The following STK38 variants were observed in gnomAD, a reference collection of about 807,000 sequenced individuals.
The protein encoded by STK38 is serine/threonine-protein kinase 38.
In STK38, 26 loss-of-function variants were observed where a neutral mutation model predicts 59.0. That is an observed-to-expected ratio of 0.44 (90% CI 0.32 to 0.61). The LOEUF is 0.61. STK38 is among the 20% of genes least tolerant of loss of function. The probability of loss-of-function intolerance (pLI) is 0.04; values close to 1 mark genes in which losing one functional copy is unlikely to be tolerated. For synonymous variants in STK38, 175 were observed against 176.6 expected (o/e 0.99, Z 0.07); for missense variants, 433 against 566.0 (o/e 0.76, Z 2.38).
intron 9 of STK38, among the ~76,000 whole-genome samples, chr6:36,500,990 C>T (rs1340395642): frequency 2.6e-5 from 4 of 151,150 alleles, no homozygotes; most frequent in Non-Finnish European, 2.9e-5. Flanking sequence ...GGGGGTCTCC[C>T]TTTGTGGGCC....
intron 2 of STK38, among the ~76,000 whole-genome samples, chr6:36,531,852 C>T (rs3798470): frequency 0.24 from 36,216 of 152,018 alleles, 4,551 homozygotes; most frequent in East Asian, 0.39. Flanking sequence ...GCTTTGGACA[C>T]GTATGGCCTT....
At chr6:36,506,713 T>G (rs1165782535) in intron 8 of STK38, 69 bp from the exon 9 acceptor site, 5 of 1,407,738 alleles carry the variant, frequency 3.6e-6, no homozygotes, top group Non-Finnish European at 4.9e-6. Flanking sequence ...TTTAGTAGGC[T>G]CTTTCAAGTC....
rs1561968643 is a variant in STK38 at position 36,495,149 on chromosome 6, G to A, written c.*635C>T. On this transcript the variant is annotated 3_prime_UTR_variant, in exon 14 of 14. Coordinates refer to ENST00000229812, the MANE Select transcript of STK38 (RefSeq NM_007271.4). ...GGGTATTTTAGATGGGGGACAGGAG[G>A]AGATAAATCAATGGATTGACAGTCT... 1 of 152,638 alleles carries A rather than the reference G, an allele frequency of 6.6e-6. No individual in the cohort carries two copies. Among genetic ancestry groups the A allele is most frequent in the Non-Finnish European group, 1.5e-5 (1 of 68,058 alleles). 9.5% of individuals were successfully genotyped at this position (152,638 alleles called of 1,614,324 possible).
chr6:36,526,632 C>T (rs1483049593), intron 2 of STK38, among the ~76,000 whole-genome samples: 6 of 152,110 alleles, frequency 3.9e-5, no homozygotes, highest in Admixed American at 6.5e-5. Context: ...CAGTGGCTCA[C>T]GCCTGTAACC....
At chr6:36,542,326 TTAAAA>T (rs752035637) in intron 1 of STK38, among the ~76,000 whole-genome samples, 5 of 152,306 alleles carry the variant, frequency 3.3e-5, no homozygotes, top group Admixed American at 6.5e-5. Flanking sequence ...GTTTTAAGTC[TTAAAA>T]TAAAGGGAAC....
rs751186838 is a variant in STK38 at position 36,524,452 on chromosome 6, C to G, written c.195G>C (p.Arg65=). The change falls in exon 4 of 14, where the codon CGG becomes CGC. Residue 65 remains arginine, a synonymous_variant. Coordinates refer to ENST00000229812, the MANE Select transcript of STK38 (RefSeq NM_007271.4). ...TTTCCTTCCGAGCATGTGCTGATCT[C>G]CGGAGTCGTTTCTAATATTTAAATA... ...EGLKDEEKRL[R]RSAHARKETE... 10 of 1,597,634 alleles carry G rather than the reference C, an allele frequency of 6.3e-6. No individual in the cohort carries two copies. In the South Asian group the frequency reaches 9.2e-5, roughly 15 times the overall value.
intron 9 of STK38, among the ~76,000 whole-genome samples, chr6:36,505,524 G>C (rs1776943174): frequency 6.6e-6 from 1 of 152,094 alleles, no homozygotes; most frequent in African/African-American, 2.4e-5. Context: ...ACATGTAACT[G>C]ACATCCACCT....
intron 5 of STK38, among the ~76,000 whole-genome samples, chr6:36,521,392 C>T (rs376245189): frequency 2.2e-4 from 33 of 151,928 alleles, no homozygotes; most frequent in African/African-American, 7.5e-4. Flanking sequence ...TTCTATTTCT[C>T]AGCATTTGGT....
intron 1 of STK38, among the ~76,000 whole-genome samples, chr6:36,540,942 A>C (rs1231410757): frequency 6.6e-6 from 1 of 152,072 alleles, no homozygotes; most frequent in Non-Finnish European, 1.5e-5. Context: ...TCTGTCGCCC[A>C]GGCTGGAGTG....
chr6:36,512,764 G>A (rs1050326371), intron 7 of STK38, among the ~76,000 whole-genome samples: 3 of 151,830 alleles, frequency 2.0e-5, no homozygotes, highest in Admixed American at 6.6e-5. Context: ...GGTTCAAGCT[G>A]ATTCTCCTGC....
chr6:36,515,528 A>G, intron 6 of STK38, 36 bp from the exon 7 acceptor site: 2 of 1,575,276 alleles, frequency 1.3e-6, no homozygotes, highest in Non-Finnish European at 8.7e-7. Context: ...CCACACACAC[A>G]CACACACACA....
At chr6:36,496,543 C>T (rs768542728) in intron 13 of STK38, among the ~76,000 whole-genome samples, 168 bp downstream of exon 13, 54 of 152,130 alleles carry the variant, frequency 3.5e-4, no homozygotes, top group Non-Finnish European at 6.3e-4. Context: ...TTTCCATTCA[C>T]CAAGGTTTCA....
chr6:36,498,577 TTTTTC>T (rs1776761995), intron 10 of STK38, 91 bp from the exon 11 acceptor site: 3 of 1,406,574 alleles, frequency 2.1e-6, no homozygotes, highest in Non-Finnish European at 1.9e-6. Context: ...TATGTCTTTT[TTTTTC>T]TTTTTTCTTT....
chr6:36,525,582 A>G lies in STK38; in HGVS notation c.183+9T>C. 1 of 1,557,948 alleles carries G rather than the reference A, an allele frequency of 6.4e-7. No individual in the cohort carries two copies. Among genetic ancestry groups the G allele is most frequent in the Non-Finnish European group, 8.9e-7 (1 of 1,129,302 alleles). ...GGGTTTTAAGGAAAACATTGCCAAT[A>G]TTAATTACCTCCTCATCTTTTAGGC... On this transcript the variant is annotated intron_variant, in intron 3 of 13. Coordinates refer to ENST00000229812, the MANE Select transcript of STK38 (RefSeq NM_007271.4).
chr6:36,518,861 G>C (rs1403655531), intron 5 of STK38, among the ~76,000 whole-genome samples: 1 of 152,224 alleles, frequency 6.6e-6, no homozygotes, highest in Non-Finnish European at 1.5e-5. Context: ...AACATGTTCT[G>C]AAGTAAAACA....
At chr6:36,539,179 A>C (rs981659888) in intron 2 of STK38, among the ~76,000 whole-genome samples, 1 of 151,996 alleles carries the variant, frequency 6.6e-6, no homozygotes, top group African/African-American at 2.4e-5. Context: ...TGAGGTCAGG[A>C]GTTCAAGACC....
At chr6:36,541,544 T>C (rs1204743429) in intron 1 of STK38, among the ~76,000 whole-genome samples, 2 of 152,198 alleles carry the variant, frequency 1.3e-5, no homozygotes, top group Non-Finnish European at 2.9e-5. Context: ...AACTTGAATA[T>C]ACACAATAGA....
intron 2 of STK38, among the ~76,000 whole-genome samples, chr6:36,532,438 G>A (rs1777687946): frequency 6.6e-6 from 1 of 150,742 alleles, no homozygotes; most frequent in Non-Finnish European, 1.5e-5. Flanking sequence ...AAGTCTTATT[G>A]AGCTGTATCA....
intron 7 of STK38, among the ~76,000 whole-genome samples, chr6:36,508,134 C>G (rs144759612): frequency 6.6e-6 from 1 of 152,052 alleles, no homozygotes; most frequent in Admixed American, 6.6e-5. Flanking sequence ...CAAGGTTTCC[C>G]TGTGTTTCCC....
Sources: gnomAD v4.1 joint callset for allele counts (sites outside exome capture counted in the v4.1 genomes callset) on GRCh38, gnomAD v4.1.1 for gene constraint, MANE v1.5 for transcripts, NCBI Gene and HGNC (gene_info 2026-07-23, HGNC 2026-07-21) for gene names.